CFAP299: variants seen among roughly 807,000 people sequenced by gnomAD.
CFAP299 encodes cilia- and flagella-associated protein 299.
Under a neutral mutation model 27.0 loss-of-function variants are expected in CFAP299, and 21 were observed. The ratio of observed to expected loss-of-function variants is 0.78; its 90% CI spans 0.55 to 1.12. The LOEUF (loss-of-function observed/expected upper bound fraction) is 1.12, where lower values mean the gene tolerates loss of function less well. Among genes scored for constraint, CFAP299 ranks in the 50% most tolerant of loss-of-function variants. The pLI is 0.00. For missense variants in CFAP299, 310 were observed against 276.6 expected, an observed-to-expected ratio of 1.12 and a Z score of -0.86; for synonymous variants, 104 against 98.1, an observed-to-expected ratio of 1.06 and a Z score of -0.36.
intron 3 of CFAP299, among the ~76,000 whole-genome samples, chr4:80,800,626 T>C (rs866820679): frequency 3.4e-4 from 33 of 97,820 alleles, no homozygotes; most frequent in African/African-American, 1.4e-3. Context: ...TATAATATAT[T>C]AATATAAATA....
At chr4:80,934,112 C>G (rs570699994) in intron 4 of CFAP299, among the ~76,000 whole-genome samples, 1 of 151,996 alleles carries the variant, frequency 6.6e-6, no homozygotes, top group South Asian at 2.1e-4. Context: ...TTCTGTATTA[C>G]TTTATTGAGA....
At chr4:80,448,603 A>G (rs1403967221) in intron 2 of CFAP299, among the ~76,000 whole-genome samples, 2 of 152,222 alleles carry the variant, frequency 1.3e-5, no homozygotes, top group South Asian at 4.1e-4. Flanking sequence ...TTCTCTTACT[A>G]AGAGATCTAG....
chr4:80,832,222 A>G (rs1014269392), intron 3 of CFAP299, among the ~76,000 whole-genome samples: 7 of 152,176 alleles, frequency 4.6e-5, no homozygotes, highest in Non-Finnish European at 8.8e-5. Flanking sequence ...TACGCACTAC[A>G]TAACTCCAGA....
chr4:80,396,745 G>A (rs1056992922), intron 2 of CFAP299, among the ~76,000 whole-genome samples: 1 of 152,146 alleles, frequency 6.6e-6, no homozygotes, highest in Admixed American at 6.5e-5. Flanking sequence ...GATCATGGTG[G>A]ATAAGCTTTT....
chr4:80,674,453 C>T (rs1043423272), intron 3 of CFAP299, among the ~76,000 whole-genome samples: 8 of 152,160 alleles, frequency 5.3e-5, no homozygotes, highest in African/African-American at 1.9e-4. Flanking sequence ...CTGCCCTTAA[C>T]ATTTTTTCCC....
chr4:80,797,013 A>G (rs764560760), intron 3 of CFAP299, among the ~76,000 whole-genome samples: 6 of 152,134 alleles, frequency 3.9e-5, no homozygotes, highest in African/African-American at 7.2e-5. Context: ...GACCTGAGCT[A>G]AAACTCCATT....
At chr4:80,789,675 T>C (rs1261592985) in intron 3 of CFAP299, among the ~76,000 whole-genome samples, 1 of 152,052 alleles carries the variant, frequency 6.6e-6, no homozygotes, top group African/African-American at 2.4e-5. Flanking sequence ...ACTTTAGAGA[T>C]GAGCAAACAG....
intron 2 of CFAP299, among the ~76,000 whole-genome samples, chr4:80,472,468 C>A (rs1014118289): frequency 6.6e-6 from 1 of 152,142 alleles, no homozygotes; most frequent in Non-Finnish European, 1.5e-5. Flanking sequence ...GAGGGGAATG[C>A]ATTGGCCTTT....
chr4:80,440,108 G>C (rs937940659), intron 2 of CFAP299, among the ~76,000 whole-genome samples: 1 of 152,170 alleles, frequency 6.6e-6, no homozygotes, highest in Admixed American at 6.5e-5. Context: ...TGGGAGAAGG[G>C]GAGGCTGTGG....
At chr4:80,578,620 A>G (rs1560635004) in intron 2 of CFAP299, among the ~76,000 whole-genome samples, 1 of 152,282 alleles carries the variant, frequency 6.6e-6, no homozygotes, top group East Asian at 1.9e-4. Flanking sequence ...TTATATATTA[A>G]TGATGTTTGC....
intron 2 of CFAP299, among the ~76,000 whole-genome samples, chr4:80,397,441 T>C (rs1260110644): frequency 6.6e-6 from 1 of 152,174 alleles, no homozygotes; most frequent in Non-Finnish European, 1.5e-5. Context: ...ATGTGTTTGC[T>C]CTTGCTTCTC....
At chr4:80,703,370 C>T (rs578230674) in intron 3 of CFAP299, among the ~76,000 whole-genome samples, 1 of 151,688 alleles carries the variant, frequency 6.6e-6, no homozygotes, top group African/African-American at 2.4e-5. Flanking sequence ...TGATAATAAG[C>T]ATGTCTTTAG....
intron 4 of CFAP299, among the ~76,000 whole-genome samples, chr4:80,891,789 T>TAAAAAAAAAAAAAAA (rs1355453928): frequency 8.6e-5 from 3 of 35,084 alleles, no homozygotes; most frequent in African/African-American, 3.1e-4. Context: ...AAAAAAAAAA[T>TAAAAAAAAAAAAAAA]AAAAAAAAAA....
Position 80,362,788 on chromosome 4 carries a change from G to T in CFAP299, c.146G>T (p.Gly49Val). ...CTGGCCCGCCAGTTGGTGGAGCTAG[G>T]CTACCGAGGGACTGGAGAGAGAGTG... ...ETLARQLVEL[G>V]YRGTGERVKR... Residue 49 changes from glycine to valine, a missense_variant, in exon 2 of 6, where the codon GGC becomes GTC. Coordinates refer to ENST00000358105, the MANE Select transcript of CFAP299 (RefSeq NM_152770.3). The T allele has an allele frequency of 6.2e-7, 1 of 1,612,780 alleles. No individual in the cohort carries two copies. Among genetic ancestry groups the T allele is most frequent in the Non-Finnish European group, 8.5e-7 (1 of 1,179,708 alleles).
intron 1 of CFAP299, among the ~76,000 whole-genome samples, chr4:80,361,364 C>T (rs941296686): frequency 6.6e-6 from 1 of 152,154 alleles, no homozygotes; most frequent in African/African-American, 2.4e-5. Flanking sequence ...ACAGAAGAGT[C>T]CCACAACCTC....
At chr4:80,621,460 C>T (rs1738602134) in intron 3 of CFAP299, among the ~76,000 whole-genome samples, 1 of 152,086 alleles carries the variant, frequency 6.6e-6, no homozygotes, top group South Asian at 2.1e-4. Flanking sequence ...AGTTTCTAAT[C>T]TCTCATCCCA....
At chr4:80,935,287 G>A (rs1445645038) in intron 4 of CFAP299, among the ~76,000 whole-genome samples, 1 of 151,934 alleles carries the variant, frequency 6.6e-6, no homozygotes, top group African/African-American at 2.4e-5. Flanking sequence ...AAAGCTGGAG[G>A]CATCACATTA....
chr4:80,954,667 G>A lies in CFAP299; in HGVS notation c.607-8850G>A, dbSNP rs189475957. Among the ~76,000 whole-genome samples the A allele has an allele frequency of 3.6e-3, 550 of 152,158 alleles. 1 individual carries two copies. The highest frequency in any genetic ancestry group is 0.014 in the Middle Eastern group (4 of 294). On this transcript the variant is annotated intron_variant, in intron 5 of 5. Transcript: ENST00000358105. ...TATATGAGGTTGCTCCAAGGGGATA[G>A]GTTCTTAATATGCGGGGGGGACAAC...
At chr4:80,339,637 C>A (rs904163117) in intron 1 of CFAP299, among the ~76,000 whole-genome samples, 3 of 152,172 alleles carry the variant, frequency 2.0e-5, no homozygotes, top group African/African-American at 7.2e-5. Flanking sequence ...ACTGTATCAG[C>A]AATTAGATTT....
Sources: gnomAD v4.1 joint callset for allele counts (sites outside exome capture counted in the v4.1 genomes callset) on GRCh38, gnomAD v4.1.1 for gene constraint, MANE v1.5 for transcripts, NCBI Gene and HGNC (gene_info 2026-07-23, HGNC 2026-07-21) for gene names.